The following FAM174A variants were observed in gnomAD, a reference collection of about 807,000 sequenced individuals.
The protein encoded by FAM174A is family with sequence similarity 174 member A, also known as membrane protein FAM174A.
FAM174A carries 14 observed loss-of-function variants against 14.3 expected under a neutral mutation model. That is an observed-to-expected ratio of 0.98 (90% confidence interval 0.65 to 1.53). The LOEUF is 1.53. Among genes scored for constraint, FAM174A ranks in the 40% most tolerant of loss-of-function variants. The pLI is 0.00. For missense variants in FAM174A, 241 were observed against 249.6 expected, an observed-to-expected ratio of 0.97 and a Z score of 0.23; for synonymous variants, 108 against 111.4, an observed-to-expected ratio of 0.97 and a Z score of 0.19.
intron 1 of FAM174A, among the ~76,000 whole-genome samples, chr5:100,549,607 ATT>A (rs202143815): frequency 5.0e-4 from 69 of 138,564 alleles, no homozygotes; most frequent in African/African-American, 8.7e-4. Context: ...CACGCTTTTG[ATT>A]TTTTTTTTTT....
At chr5:100,561,948 G>A in intron 1 of FAM174A, 106 bp from the exon 2 acceptor site, 3 of 634,014 alleles carry the variant, frequency 4.7e-6, no homozygotes, top group Non-Finnish European at 7.2e-6. Flanking sequence ...TAACCATTCT[G>A]ATATTGTTTG....
chr5:100,566,434 A>G (rs747438447), intron 2 of FAM174A, among the ~76,000 whole-genome samples: 21 of 151,478 alleles, frequency 1.4e-4, no homozygotes, highest in Non-Finnish European at 2.7e-4. Flanking sequence ...TAGTCAAGGG[A>G]TCCAAAATTT....
At chr5:100,549,054 C>T (rs1746214445) in intron 1 of FAM174A, among the ~76,000 whole-genome samples, 1 of 151,656 alleles carries the variant, frequency 6.6e-6, no homozygotes, top group Non-Finnish European at 1.5e-5. Flanking sequence ...ATGTATATAC[C>T]TCTGTGGTAC....
intron 1 of FAM174A, 56 bp downstream of exon 1, chr5:100,536,020 A>G: frequency 6.8e-7 from 1 of 1,466,362 alleles, no homozygotes; most frequent in Non-Finnish European, 9.1e-7. Flanking sequence ...CAGGCCGGTG[A>G]TCTCCAGCAA....
Position 100,535,808 on chromosome 5 carries a change from C to G in FAM174A, c.278C>G (p.Thr93Arg). ...AGCAACCCTGTGGCCGGGCTTGAGA[C>G]GGACGATCACGGAGGGAAGGCCGGG... The part of the protein sequence containing the change: ...NGSNPVAGLE[T>R]DDHGGKAGEG... The change falls in exon 1 of 3, where the codon ACG becomes AGG. Residue 93 changes from threonine to arginine, a missense_variant. Physicochemically the swap from Thr to Arg is moderately conservative, Grantham distance 71. Coordinates refer to ENST00000312637, the MANE Select transcript of FAM174A (RefSeq NM_198507.3). 6.2e-7 allele frequency: 1 copy of G among 1,609,636 alleles called. No homozygotes were observed. The highest frequency in any genetic ancestry group is 1.3e-5 in the African/African-American group (1 of 75,060).
chr5:100,581,401 C>T, intron 2 of FAM174A: 2 of 984,634 alleles, frequency 2.0e-6, no homozygotes, highest in Non-Finnish European at 2.4e-6. Flanking sequence ...ATGGATTTCA[C>T]TGAGTAGGTG....
chr5:100,582,615 T>A (rs1747044433), intron 2 of FAM174A, among the ~76,000 whole-genome samples: 1 of 152,152 alleles, frequency 6.6e-6, no homozygotes, highest in African/African-American at 2.4e-5. Flanking sequence ...AATTTGTATG[T>A]CAAAATATAG....
At chr5:100,548,574 C>G (rs151178653) in intron 1 of FAM174A, among the ~76,000 whole-genome samples, 19 of 152,140 alleles carry the variant, frequency 1.2e-4, no homozygotes, top group Non-Finnish European at 2.4e-4. Flanking sequence ...CAATTTGTCT[C>G]AATATTTTAA....
chr5:100,579,910 A>T (rs1746978711), intron 2 of FAM174A, among the ~76,000 whole-genome samples: 1 of 152,180 alleles, frequency 6.6e-6, no homozygotes. Context: ...CTTAAGAGAT[A>T]TTTGTTTTTG....
intron 1 of FAM174A, among the ~76,000 whole-genome samples, chr5:100,553,758 GAAT>G (rs1746309202): frequency 6.6e-6 from 1 of 152,038 alleles, no homozygotes; most frequent in African/African-American, 2.4e-5. Flanking sequence ...ATAGAATAAA[GAAT>G]AAAATGTTCA....
intron 1 of FAM174A, among the ~76,000 whole-genome samples, chr5:100,552,647 C>T (rs948079395): frequency 6.6e-6 from 1 of 151,972 alleles, no homozygotes; most frequent in African/African-American, 2.4e-5. Context: ...TATGTGGTAT[C>T]ATATATTTCT....
At chr5:100,562,487 T>C (rs1285601121) in intron 2 of FAM174A, among the ~76,000 whole-genome samples, 1 of 151,814 alleles carries the variant, frequency 6.6e-6, no homozygotes, top group African/African-American at 2.4e-5. Flanking sequence ...TAAACTTGTG[T>C]CATGTGGTTT....
chr5:100,571,827 G>A (rs937268392), intron 2 of FAM174A, among the ~76,000 whole-genome samples: 2 of 151,698 alleles, frequency 1.3e-5, no homozygotes, highest in African/African-American at 4.8e-5. Context: ...CAAATACCCT[G>A]CAATGGATAC....
chr5:100,573,154 C>T (rs1746827783), intron 2 of FAM174A, among the ~76,000 whole-genome samples: 1 of 151,756 alleles, frequency 6.6e-6, no homozygotes. Flanking sequence ...GGATATTAGC[C>T]CTTTGTCAGT....
chr5:100,572,597 C>G (rs540389259), intron 2 of FAM174A, among the ~76,000 whole-genome samples: 1 of 152,030 alleles, frequency 6.6e-6, no homozygotes, highest in Admixed American at 6.6e-5. Context: ...TTTTTTATGG[C>G]TGCATAGTAT....
intron 2 of FAM174A, among the ~76,000 whole-genome samples, chr5:100,580,373 G>A (rs1580379227): frequency 6.6e-6 from 1 of 152,182 alleles, no homozygotes; most frequent in Non-Finnish European, 1.5e-5. Context: ...ATATGTATGG[G>A]AATTTACTAA....
intron 1 of FAM174A, among the ~76,000 whole-genome samples, chr5:100,557,975 G>T (rs1439174944): frequency 6.6e-6 from 1 of 152,034 alleles, no homozygotes; most frequent in Non-Finnish European, 1.5e-5. Flanking sequence ...CTTGCCTTCT[G>T]CTAGCTTTTG....
chr5:100,585,489 C>A (rs1272137141), intron 2 of FAM174A, among the ~76,000 whole-genome samples: 2 of 152,162 alleles, frequency 1.3e-5, no homozygotes, highest in African/African-American at 4.8e-5. Context: ...TCTCTGCTAA[C>A]TGCAGCCTCC....
intron 2 of FAM174A, among the ~76,000 whole-genome samples, chr5:100,575,289 A>C (rs1746878465): frequency 1.3e-5 from 2 of 152,046 alleles, no homozygotes; most frequent in South Asian, 4.1e-4. Context: ...TCTAGGGTAC[A>C]TGTGCACAAT....
Sources: allele counts gnomAD v4.1 joint callset (sites outside exome capture counted in the v4.1 genomes callset), GRCh38; gene constraint gnomAD v4.1.1; transcripts MANE v1.5; gene names NCBI Gene and HGNC (gene_info 2026-07-23, HGNC 2026-07-21).